XPO5: variants seen among roughly 807,000 people sequenced by gnomAD.
The protein encoded by XPO5 is exportin 5.
A neutral mutation model predicts 160.6 loss-of-function variants in XPO5; 46 were observed. The ratio of observed to expected loss-of-function variants is 0.29; its 90% CI spans 0.23 to 0.37. The LOEUF is 0.37. XPO5 is among the 10% of genes least tolerant of loss of function. The pLI, the probability that XPO5 is intolerant of heterozygous loss-of-function variation, is 1.00. For synonymous variants in XPO5, 537 were observed against 519.3 expected (o/e 1.03, Z -0.46); for missense variants, 1,090 against 1,463.9 (o/e 0.74, Z 4.17).
At chr6:43,561,113 T>C in intron 9 of XPO5, 106 bp from the exon 10 acceptor site, 1 of 948,060 alleles carries the variant, frequency 1.1e-6, no homozygotes, top group Non-Finnish European at 1.7e-6. Flanking sequence ...AAAAATGTTG[T>C]TTCAAAAGGA....
At chr6:43,528,802 C>T in intron 24 of XPO5, 26 bp downstream of exon 24, 1 of 1,605,994 alleles carries the variant, frequency 6.2e-7, no homozygotes, top group South Asian at 1.1e-5. Context: ...GTACTCTTTG[C>T]TTCCTGTTCC....
chr6:43,534,272 A>C (rs1794177923), intron 20 of XPO5, among the ~76,000 whole-genome samples: 1 of 152,246 alleles, frequency 6.6e-6, no homozygotes, highest in African/African-American at 2.4e-5. Flanking sequence ...CAGAGTCCAA[A>C]GCTAGAAAGC....
At chr6:43,536,230 C>G (rs145891064) in intron 20 of XPO5, among the ~76,000 whole-genome samples, 1,901 of 152,048 alleles carry the variant, frequency 0.013, 43 homozygotes, top group African/African-American at 0.044. Flanking sequence ...GCCTGGCCAA[C>G]ATGGTGAAAC....
chr6:43,535,211 G>A (rs1324535550), intron 20 of XPO5, among the ~76,000 whole-genome samples: 1 of 151,698 alleles, frequency 6.6e-6, no homozygotes, highest in Non-Finnish European at 1.5e-5. Context: ...AGTGAGCCAA[G>A]ACTGCGCCAC....
intron 3 of XPO5, 95 bp from the exon 4 acceptor site, chr6:43,571,089 C>T: frequency 1.5e-6 from 2 of 1,323,742 alleles, no homozygotes; most frequent in Non-Finnish European, 2.1e-6. Context: ...AATTTATCAG[C>T]AGGCCTACTT....
In XPO5 at chr6:43,529,544, A is replaced by G. The variant is rs538213641; in HGVS notation, c.2678-619T>C. On this transcript the variant is annotated intron_variant, in intron 23 of 31. Coordinates refer to ENST00000265351, the MANE Select transcript of XPO5 (RefSeq NM_020750.3). Reference sequence around the variant, plus strand: ...ACTCCAGCCTGGGCAACAGAGCAAGACTCCGTCTCAAAAAAAAAAAAAAAG... The same window carrying G: ...ACTCCAGCCTGGGCAACAGAGCAAGGCTCCGTCTCAAAAAAAAAAAAAAAG... 3.1e-4 allele frequency: 51 copies of G among 162,548 alleles called. 1 individual carries two copies. The highest frequency in any genetic ancestry group is 6.1e-4 in the South Asian group (5 of 8,156). The allele number at this position is 162,548 out of a possible 1,614,324, so 10.1% of individuals were successfully genotyped here. A position where few individuals can be genotyped will look rare whatever the true frequency, so the allele number is the denominator to read the frequency against.
rs374609025 is a variant in XPO5, at chr6:43,570,610, G to A, written c.513C>T (p.Pro171=). Residue 171 remains proline (P), a synonymous_variant, in exon 5 of 32, where the codon CCC becomes CCT. Coordinates refer to ENST00000265351, the MANE Select transcript of XPO5 (RefSeq NM_020750.3). ...GCTGGATGTCCCTTCTTCTTTGAGG[G>A]GGAAGTGTCTGAAAAGTCACTACAT... is the stretch of plus-strand genomic sequence containing the variant. ...AEDVVTFQTL[P]PQRRRDIQQT... 38 of 1,613,566 alleles carry A rather than the reference G, an allele frequency of 2.4e-5. No individual in the cohort carries two copies. The African/African-American group carries it at 3.5e-4, about 15-fold the overall frequency.
chr6:43,576,030 GCTGCGCACGCGCCCGGCCCGCCA>G (rs977505971), exon 1 of XPO5: 107 of 579,514 alleles, frequency 1.8e-4, no homozygotes, highest in Middle Eastern at 7.6e-4. Context: ...AGAAGCCGGC[GCTGCGCACGCGCCCGGCCCGCCA>G]CTGCGCACGC....
chr6:43,523,732 GC>G lies in XPO5; in HGVS notation c.*135del. On this transcript the variant is annotated 3_prime_UTR_variant, in exon 32 of 32. Transcript: ENST00000265351. ...TCCTGCACAGGGCCTGTTCTCTCCA[GC>G]TCCAGACCTGGATCTCTTTCCAGGC... 3 of 1,423,744 alleles carry G rather than the reference GC, an allele frequency of 2.1e-6. No individual in the cohort carries two copies. The Admixed American group carries it at 5.0e-5, about 24-fold the overall frequency. 88.2% of individuals were successfully genotyped at this position (1,423,744 alleles called of 1,614,324 possible). A position where few individuals can be genotyped will look rare whatever the true frequency, so the allele number is the denominator to read the frequency against.
At chr6:43,539,425 G>A in intron 20 of XPO5, 2 of 1,565,216 alleles carry the variant, frequency 1.3e-6, no homozygotes, top group Non-Finnish European at 1.7e-6. Context: ...AAAAGTCAAT[G>A]ATCTCTGATT....
At chr6:43,566,441 T>TA (rs1762700044) in intron 7 of XPO5, among the ~76,000 whole-genome samples, 1 of 152,058 alleles carries the variant, frequency 6.6e-6, no homozygotes, top group Non-Finnish European at 1.5e-5. Context: ...ATAATGCTGA[T>TA]ATGACAGCAA....
At chr6:43,528,036 G>A (rs761624776) in intron 25 of XPO5, 123 bp downstream of exon 25, 2 of 1,029,952 alleles carry the variant, frequency 1.9e-6, no homozygotes, top group South Asian at 1.5e-5. Context: ...CACCTAGGCT[G>A]AGAATGACTA....
Position 43,548,651 on chromosome 6 carries a change from G to C in XPO5, c.1861-191C>G, listed in dbSNP as rs77079432. Among the ~76,000 whole-genome samples the C allele has an allele frequency of 0.011, 1,679 of 151,932 alleles. 33 individuals carry two copies. Among genetic ancestry groups the C allele is most frequent in the African/African-American group, 0.039 (1,617 of 41,432 alleles). On this transcript the variant is annotated intron_variant, in intron 17 of 31. Transcript: ENST00000265351. ...AGCAAGGCAATTTAGGCGGAAGATA[G>C]CTCTTGTCTTGAGTATTTGGATAAC...
chr6:43,545,170 G>A (rs916722760), intron 20 of XPO5, among the ~76,000 whole-genome samples: 15 of 151,328 alleles, frequency 9.9e-5, no homozygotes, highest in South Asian at 2.1e-4. Flanking sequence ...ACCACACCCC[G>A]CCAAAATATT....
At chr6:43,551,548 G>C in intron 14 of XPO5, 95 bp from the exon 15 acceptor site, 1 of 1,455,884 alleles carries the variant, frequency 6.9e-7, no homozygotes, top group African/African-American at 1.4e-5. Context: ...AAAGAGACAG[G>C]GTCTCATTCT....
At chr6:43,536,787 A>AAAAAAAAAAAG (rs1561869430) in intron 20 of XPO5, among the ~76,000 whole-genome samples, 2 of 148,548 alleles carry the variant, frequency 1.3e-5, no homozygotes, top group African/African-American at 5.1e-5. Context: ...AAAAAAAAAA[A>AAAAAAAAAAAG]AAAGCAGCTT....
intron 25 of XPO5, 137 bp from the exon 26 acceptor site, chr6:43,527,868 C>G: frequency 1.2e-6 from 1 of 839,280 alleles, no homozygotes. Context: ...TGGGAATGGA[C>G]AGCAGTGATC....
Position 43,523,809 on chromosome 6 carries a change from C to G in XPO5, c.*59G>C, listed in dbSNP as rs1225482464. 1.2e-6 allele frequency: 2 copies of G among 1,613,522 alleles called. No individual in the cohort carries two copies. The highest frequency in any genetic ancestry group is 3.3e-5 in the Admixed American group (2 of 60,014). ...AGTGCAAGAAGGGCCTAGAGATCGG[C>G]TACAAAGGGAAAGAAGAGATGACAA... On this transcript the variant is annotated 3_prime_UTR_variant, in exon 32 of 32. Coordinates refer to ENST00000265351, the MANE Select transcript of XPO5 (RefSeq NM_020750.3).
chr6:43,530,130 G>A (rs777793549), intron 23 of XPO5, among the ~76,000 whole-genome samples: 3 of 151,928 alleles, frequency 2.0e-5, no homozygotes, highest in African/African-American at 4.8e-5. Flanking sequence ...AGTAGCATGC[G>A]CCTGTAATCC....
Sources: allele counts gnomAD v4.1 joint callset (sites outside exome capture counted in the v4.1 genomes callset), GRCh38; gene constraint gnomAD v4.1.1; transcripts MANE v1.5; gene names NCBI Gene and HGNC (gene_info 2026-07-23, HGNC 2026-07-21).